AP3B2: variants seen among roughly 807,000 people sequenced by gnomAD.
AP3B2 encodes adaptor related protein complex 3 subunit beta 2, also known as AP-3 complex subunit beta-2.
AP3B2 carries 50 observed loss-of-function variants against 126.9 expected under a neutral mutation model. The observed-to-expected ratio is 0.39, with a 90% confidence interval of 0.31 to 0.50. The LOEUF (loss-of-function observed/expected upper bound fraction) is 0.50, where lower values mean the gene tolerates loss of function less well. AP3B2 is among the 20% of genes least tolerant of loss of function. The pLI is 0.79. For synonymous variants in AP3B2, 541 were observed against 565.0 expected (o/e 0.96, Z 0.60); for missense variants, 1,177 against 1,426.4 (o/e 0.83, Z 2.82).
intron 4 of AP3B2, chr15:82,686,784 C>G (rs995754433): frequency 6.6e-6 from 1 of 151,480 alleles, no homozygotes; most frequent in Non-Finnish European, 1.5e-5. Flanking sequence ...TGCAGTGGCA[C>G]GTTCTCGGCT....
intron 26 of AP3B2, 40 bp downstream of exon 26, chr15:82,659,805 C>G: frequency 4.3e-6 from 7 of 1,610,430 alleles, no homozygotes; most frequent in Non-Finnish European, 5.1e-6. Context: ...AAACCAGGGC[C>G]CCCATGCTCA....
Position 82,664,637 on chromosome 15 carries a change from CAG to C in AP3B2, c.2138-149_2138-148del. The C allele has an allele frequency of 8.8e-7, 1 of 1,132,456 alleles. No individual in the cohort carries two copies. The highest frequency in any genetic ancestry group is 1.3e-6 in the Non-Finnish European group (1 of 797,924). The allele number at this position is 1,132,456 out of a possible 1,614,324, so 70.2% of individuals were successfully genotyped here. Reference sequence around the variant, plus strand: ...AGCCCTACATGCCAGCTGGAACTGACAGAAACACAGATGGACTCCATGGATAG... The same window carrying C: ...AGCCCTACATGCCAGCTGGAACTGACAAACACAGATGGACTCCATGGATAG... On this transcript the variant is annotated intron_variant, in intron 18 of 26. Transcript: ENST00000535359. This position sits in a 1 kb window ranked among gnomAD's most constrained non-coding sequence, Gnocchi z 4.5.
chr15:82,698,967 C>A (rs911885355), intron 1 of AP3B2, among the ~76,000 whole-genome samples: 1 of 152,176 alleles, frequency 6.6e-6, no homozygotes, highest in Non-Finnish European at 1.5e-5. Context: ...GCAGCCACCA[C>A]CTGAGGTGAG....
intron 1 of AP3B2, among the ~76,000 whole-genome samples, chr15:82,700,986 G>C (rs1207953538): frequency 1.3e-5 from 2 of 151,964 alleles, no homozygotes; most frequent in Non-Finnish European, 2.9e-5. Flanking sequence ...TCAGCCTCCT[G>C]AGTAGCTGGG....
intron 25 of AP3B2, among the ~76,000 whole-genome samples, chr15:82,660,508 C>G (rs906401245): frequency 2.0e-5 from 3 of 152,168 alleles, no homozygotes; most frequent in Admixed American, 6.5e-5. Flanking sequence ...CCAGACCTAG[C>G]CAGGGCTCCT....
chr15:82,681,050 C>T lies in AP3B2; in HGVS notation c.589-31G>A, dbSNP rs2048330971. On this transcript the variant is annotated intron_variant, in intron 6 of 26. Transcript: ENST00000535359. This position sits in a 1 kb window ranked among gnomAD's most constrained non-coding sequence, Gnocchi z 4.0. ...GAAAGAACAAAGACGAGAGGGTGAA[C>T]GCGAAGGGTGGAAGGCCGGCTGCCG... 1 of 1,613,464 alleles carries T rather than the reference C, an allele frequency of 6.2e-7. No individual in the cohort carries two copies. Among genetic ancestry groups the T allele is most frequent in the Non-Finnish European group, 8.5e-7 (1 of 1,179,836 alleles).
Position 82,665,376 on chromosome 15 carries a change from A to AACACAC in AP3B2, c.1971+75_1972-74dup, listed in dbSNP as rs60428596. The stretch of plus-strand genomic sequence containing the variant: ...GGGCTCCCTACTGTCTGCCCCCACC[A>AACACAC]ACACACACACACACACACACACACA... On this transcript the variant is annotated intron_variant, in intron 16 of 26. Transcript: ENST00000535359. The surrounding 1 kb of genome is among the most constrained non-coding windows in gnomAD (Gnocchi z 4.4). The AACACAC allele has an allele frequency of 5.6e-3, 7,035 of 1,250,758 alleles. 56 individuals carry two copies. Among genetic ancestry groups the AACACAC allele is most frequent in the African/African-American group, 0.012 (706 of 57,868 alleles). The allele number at this position is 1,250,758 out of a possible 1,614,324, so 77.5% of individuals were successfully genotyped here.
chr15:82,662,862 C>T lies in AP3B2; in HGVS notation c.2665G>A (p.Gly889Arg). ...QELLHRVAGE[G>R]LAVDYTFSRQ... ...CTGAAGGTGTAGTCCACAGCCAGCC[C>T]CTCGCCAGCTACCCGGTGCAGCAGC... The change falls in exon 23 of 27, where the codon GGG becomes AGG. Residue 889 changes from glycine (G) to arginine (R), a missense_variant. Coordinates refer to ENST00000535359, the MANE Select transcript of AP3B2 (RefSeq NM_001278512.2). The T allele has an allele frequency of 6.2e-7, 1 of 1,613,726 alleles. No individual in the cohort carries two copies. The highest frequency in any genetic ancestry group is 8.5e-7 in the Non-Finnish European group (1 of 1,179,822).
chr15:82,698,632 A>G (rs1426697644), intron 1 of AP3B2, among the ~76,000 whole-genome samples: 1 of 152,084 alleles, frequency 6.6e-6, no homozygotes, highest in Non-Finnish European at 1.5e-5. Flanking sequence ...AAGATCAAAT[A>G]TATCCAGCCC....
chr15:82,670,239 A>G (rs2151433954), intron 14 of AP3B2, among the ~76,000 whole-genome samples: 1 of 150,508 alleles, frequency 6.6e-6, no homozygotes, highest in African/African-American at 2.4e-5. Context: ...CCTCCCAAGT[A>G]GCTGGGATTA....
intron 1 of AP3B2, chr15:82,691,825 G>C: frequency 7.2e-7 from 1 of 1,395,422 alleles, no homozygotes; most frequent in Non-Finnish European, 1.0e-6. Context: ...AGCCATAGCT[G>C]GTGCTTCTCT....
rs1378734213 is a variant in AP3B2 at position 82,663,112 on chromosome 15, C to T, written c.2604+15G>A. The T allele has an allele frequency of 3.1e-6, 5 of 1,598,908 alleles. No individual in the cohort carries two copies. Among genetic ancestry groups the T allele is most frequent in the Non-Finnish European group, 4.3e-6 (5 of 1,172,058 alleles). On this transcript the variant is annotated intron_variant, in intron 22 of 26. Transcript: ENST00000535359. The stretch of plus-strand genomic sequence containing the variant: ...GTCCCTGCCCCAGCCCGGTCCCCTC[C>T]TCCATCCCACTCACCGACGGTACCA...
At chr15:82,671,012 G>C (rs1034756993) in intron 14 of AP3B2, among the ~76,000 whole-genome samples, 2 of 152,202 alleles carry the variant, frequency 1.3e-5, no homozygotes, top group African/African-American at 2.4e-5. Context: ...GCCAGGCACG[G>C]GTGGCTCATG....
intron 14 of AP3B2, among the ~76,000 whole-genome samples, chr15:82,673,507 C>A (rs2048192087): frequency 6.6e-6 from 1 of 152,092 alleles, no homozygotes; most frequent in African/African-American, 2.4e-5. Flanking sequence ...AGCCACTGAA[C>A]CCAGCCTGGA....
rs145841558 is a variant in AP3B2, at chr15:82,689,378, C to T, written c.189G>A (p.Ala63=). ...GGAGGCCTCCTCCTTCCCCTCTTAC[C>T]GCCACAATCCTCTTCATGGCCTCCA... ...LKLEAMKRIV[A]MIARGKNASD... The change falls in exon 2 of 27, where the codon GCG becomes GCA. Residue 63 remains alanine, a splice_region_variant and synonymous_variant. Coordinates refer to ENST00000535359, the MANE Select transcript of AP3B2 (RefSeq NM_001278512.2). 1.9e-4 allele frequency: 304 copies of T among 1,613,862 alleles called. No individual in the cohort carries two copies. The African/African-American group carries it at 3.2e-3, about 17-fold the overall frequency.
intron 4 of AP3B2, among the ~76,000 whole-genome samples, chr15:82,683,051 T>G (rs962221313): frequency 6.9e-4 from 51 of 73,790 alleles, no homozygotes; most frequent in African/African-American, 4.9e-3. Context: ...CCAGGAGTTT[T>G]TTTTTTTTTT....
At chr15:82,679,985 T>C (rs2048305896) in intron 9 of AP3B2, among the ~76,000 whole-genome samples, 185 bp from the exon 10 acceptor site, 1 of 152,068 alleles carries the variant, frequency 6.6e-6, no homozygotes, top group Admixed American at 6.5e-5. Context: ...GGACATCCCC[T>C]CAGCGGCCCC....
At chr15:82,692,299 C>T in intron 1 of AP3B2, 1 of 662,256 alleles carries the variant, frequency 1.5e-6, no homozygotes, top group Non-Finnish European at 2.5e-6. Context: ...TCTTCCACGT[C>T]CTTCTCGCGC....
In AP3B2 at chr15:82,681,244, G is replaced by T; in HGVS notation, c.522-66C>A. ...CCCAGCCTTCCCAATATCTGTCCAA[G>T]CCATGCTCACCTCCTGCACCCCAGC... is the stretch of plus-strand genomic sequence containing the variant. On this transcript the variant is annotated intron_variant, in intron 5 of 26. Transcript: ENST00000535359. This position sits in a 1 kb window ranked among gnomAD's most constrained non-coding sequence, Gnocchi z 4.0. The T allele has an allele frequency of 1.3e-6, 2 of 1,557,316 alleles. No homozygotes were observed. Among genetic ancestry groups the T allele is most frequent in the Non-Finnish European group, 1.7e-6 (2 of 1,145,768 alleles).
Sources: allele counts gnomAD v4.1 joint callset (sites outside exome capture counted in the v4.1 genomes callset), GRCh38; gene constraint gnomAD v4.1.1; non-coding constraint Gnocchi (gnomAD v3.1); transcripts MANE v1.5; gene names NCBI Gene and HGNC (gene_info 2026-07-23, HGNC 2026-07-21).